The following LRRC7 variants were observed in gnomAD, a reference collection of about 807,000 sequenced individuals.
LRRC7 encodes leucine-rich repeat-containing protein 7.
LRRC7 carries 23 observed loss-of-function variants against 175.7 expected under a neutral mutation model. The ratio of observed to expected loss-of-function variants is 0.13; its 90% confidence interval spans 0.09 to 0.19. The LOEUF (loss-of-function observed/expected upper bound fraction) is 0.19. Ranked by LOEUF, LRRC7 falls within the 10% of genes least tolerant of loss-of-function variation. The pLI, the probability that LRRC7 is intolerant of heterozygous loss-of-function variation, is 1.00. For missense variants in LRRC7, 1,354 were observed against 1,904.7 expected, an observed-to-expected ratio of 0.71 and a Z score of 5.38; for synonymous variants, 685 against 680.9, an observed-to-expected ratio of 1.01 and a Z score of -0.09.
At chr1:69,663,870 C>T (rs895351057) in intron 1 of LRRC7, among the ~76,000 whole-genome samples, 22 of 151,160 alleles carry the variant, frequency 1.5e-4, no homozygotes, top group African/African-American at 4.6e-4. Context: ...TACAGGCGCC[C>T]GCCACCGCGC....
chr1:69,987,258 CA>C (rs889839552), intron 10 of LRRC7, among the ~76,000 whole-genome samples: 5 of 150,816 alleles, frequency 3.3e-5, no homozygotes, highest in African/African-American at 1.2e-4. Flanking sequence ...AACAAACAAA[CA>C]AAAAAAGTTT....
At chr1:70,074,119 T>C (rs1344961513) in intron 23 of LRRC7, among the ~76,000 whole-genome samples, 1 of 151,852 alleles carries the variant, frequency 6.6e-6, no homozygotes, top group Non-Finnish European at 1.5e-5. Flanking sequence ...GGAGAATCAC[T>C]TGGACCTGGG....
At chr1:69,924,906 T>G (rs978456172) in intron 7 of LRRC7, among the ~76,000 whole-genome samples, 6 of 152,226 alleles carry the variant, frequency 3.9e-5, no homozygotes, top group Non-Finnish European at 5.9e-5. Flanking sequence ...TTCCAGTTTT[T>G]GCCCATTCAG....
rs563646776 is a variant in LRRC7, at chr1:69,783,431, C to A, written c.304-8612C>A. On this transcript the variant is annotated intron_variant, in intron 3 of 26. Coordinates refer to ENST00000651989, the MANE Select transcript of LRRC7 (RefSeq NM_001370785.2). ...TAGGATATACAAAAAGGTTGTCTTGCAAACCAGTGGAGAAATAATGAAGTT... is the reference window on the plus strand; with the variant it reads ...TAGGATATACAAAAAGGTTGTCTTGAAAACCAGTGGAGAAATAATGAAGTT... Among the ~76,000 whole-genome samples the A allele has an allele frequency of 5.3e-5, 8 of 152,176 alleles. 1 individual carries two copies. Among genetic ancestry groups the A allele is most frequent in the South Asian group, 4.1e-4 (2 of 4,820 alleles).
At chr1:69,923,691 T>G (rs1178324751) in intron 7 of LRRC7, among the ~76,000 whole-genome samples, 6 of 152,122 alleles carry the variant, frequency 3.9e-5, no homozygotes, top group African/African-American at 1.4e-4. Context: ...CATTGTAGAT[T>G]CTGGATATTA....
intron 1 of LRRC7, among the ~76,000 whole-genome samples, chr1:69,587,621 G>T (rs1569726808): frequency 1.3e-5 from 2 of 152,136 alleles, no homozygotes; most frequent in East Asian, 3.9e-4. Flanking sequence ...TAATCTCCAC[G>T]TGTTGAGGGA....
chr1:69,687,889 T>C (rs945395274), intron 2 of LRRC7, among the ~76,000 whole-genome samples: 2 of 152,216 alleles, frequency 1.3e-5, no homozygotes, highest in Non-Finnish European at 2.9e-5. Flanking sequence ...GTAGAAGCCA[T>C]TGAATATGAT....
At chr1:69,782,629 A>T (rs1191748494) in intron 3 of LRRC7, among the ~76,000 whole-genome samples, 1 of 152,176 alleles carries the variant, frequency 6.6e-6, no homozygotes, top group Non-Finnish European at 1.5e-5. Flanking sequence ...GAAAAGGGAA[A>T]TGGCAAGATG....
At chr1:69,715,557 TTATAA>T (rs2100749404) in intron 2 of LRRC7, among the ~76,000 whole-genome samples, 1 of 152,146 alleles carries the variant, frequency 6.6e-6, no homozygotes, top group Non-Finnish European at 1.5e-5. Context: ...ATTATTTTAG[TTATAA>T]TGTACTGAAT....
chr1:70,070,092 C>G (rs1163601384), intron 23 of LRRC7, among the ~76,000 whole-genome samples: 3 of 152,156 alleles, frequency 2.0e-5, no homozygotes, highest in Non-Finnish European at 4.4e-5. Flanking sequence ...CTCCTGAGCT[C>G]AGGTGATCCT....
intron 7 of LRRC7, among the ~76,000 whole-genome samples, chr1:69,925,133 G>A (rs144333410): frequency 1.0e-3 from 157 of 152,082 alleles, no homozygotes; most frequent in Admixed American, 2.7e-3. Context: ...ACTAGCCTTG[G>A]GTCCCAGGGA....
At chr1:69,776,417 C>A (rs994416968) in intron 3 of LRRC7, among the ~76,000 whole-genome samples, 4 of 152,014 alleles carry the variant, frequency 2.6e-5, no homozygotes, top group Admixed American at 2.6e-4. Context: ...TCTTCTATTC[C>A]AAATTAACAG....
rs78158356 is a variant in LRRC7 at position 70,115,223 on chromosome 1, A to G, written c.4621-6557A>G. On this transcript the variant is annotated intron_variant, in intron 26 of 26. Coordinates refer to ENST00000651989, the MANE Select transcript of LRRC7 (RefSeq NM_001370785.2). ...TAATTATCCTTGACTACAAAGATCAATAGCAAGGATGATGCCAGTCCAAGA... is the reference window on the plus strand; with the variant it reads ...TAATTATCCTTGACTACAAAGATCAGTAGCAAGGATGATGCCAGTCCAAGA... Among the ~76,000 whole-genome samples the G allele has an allele frequency of 2.8e-3, 434 of 152,366 alleles. 1 individual carries two copies. Among genetic ancestry groups the G allele is most frequent in the African/African-American group, 1.0e-2 (414 of 41,586 alleles).
At chr1:69,860,988 T>G (rs1570381884) in intron 7 of LRRC7, among the ~76,000 whole-genome samples, 1 of 152,124 alleles carries the variant, frequency 6.6e-6, no homozygotes, top group African/African-American at 2.4e-5. Flanking sequence ...AGGTTATATA[T>G]TTGGGTCACT....
At chr1:70,070,843 G>A (rs1333660404) in intron 23 of LRRC7, among the ~76,000 whole-genome samples, 3 of 152,090 alleles carry the variant, frequency 2.0e-5, no homozygotes, top group South Asian at 2.1e-4. Flanking sequence ...TAAGGTAAAC[G>A]GTGCTTCATT....
chr1:70,024,844 C>A (rs1047144766), intron 17 of LRRC7, among the ~76,000 whole-genome samples: 2 of 151,996 alleles, frequency 1.3e-5, no homozygotes, highest in African/African-American at 4.8e-5. Context: ...ATAAAATATG[C>A]TTGCATAGAA....
intron 11 of LRRC7, among the ~76,000 whole-genome samples, chr1:69,998,518 T>C (rs928853580): frequency 3.3e-5 from 5 of 152,116 alleles, no homozygotes; most frequent in African/African-American, 1.2e-4. Flanking sequence ...AGTTTAGGGG[T>C]ACACAAAAGT....
chr1:69,578,273 A>G (rs1272084304), intron 1 of LRRC7, among the ~76,000 whole-genome samples: 1 of 150,652 alleles, frequency 6.6e-6, no homozygotes, highest in Non-Finnish European at 1.5e-5. Flanking sequence ...AATGGCAATC[A>G]TTAAAAAGTC....
At position 69,642,414 on chromosome 1, in the gene LRRC7, GA is replaced by G. The variant is rs1359804848; in HGVS notation, c.3-35965del. Among the ~76,000 whole-genome samples the G allele has an allele frequency of 3.3e-5, 5 of 151,914 alleles. No individual in the cohort carries two copies. In the East Asian group the frequency reaches 9.7e-4, roughly 29 times the overall value. ...AGAAAAAAGGAAAAGATAAGGATAG[GA>G]AGGTAAAAAAGGAAATATGAGAAGA... On this transcript the variant is annotated intron_variant, in intron 1 of 26. Coordinates refer to ENST00000651989, the MANE Select transcript of LRRC7 (RefSeq NM_001370785.2).
Sources: allele counts gnomAD v4.1 joint callset (sites outside exome capture counted in the v4.1 genomes callset), GRCh38; gene constraint gnomAD v4.1.1; transcripts MANE v1.5; gene names NCBI Gene and HGNC (gene_info 2026-07-23, HGNC 2026-07-21).